BABAM2: variants seen among roughly 807,000 people sequenced by gnomAD.
BABAM2 encodes the protein BRISC and BRCA1-A complex member 2.
In BABAM2, 31 loss-of-function variants were observed where a neutral mutation model predicts 54.7. That is an observed-to-expected ratio of 0.57 (90% CI 0.43 to 0.77). The LOEUF (loss-of-function observed/expected upper bound fraction) is 0.77. Among genes scored for constraint, BABAM2 ranks in the 30% least tolerant of loss-of-function variants. The pLI, the probability that BABAM2 is intolerant of heterozygous loss-of-function variation, is 0.00. For missense variants in BABAM2, 364 were observed against 455.8 expected, an observed-to-expected ratio of 0.80 and a Z score of 1.83; for synonymous variants, 167 against 162.9, an observed-to-expected ratio of 1.03 and a Z score of -0.19.
intron 2 of BABAM2, among the ~76,000 whole-genome samples, chr2:27,916,611 T>C (rs943739908): frequency 6.6e-6 from 1 of 152,162 alleles, no homozygotes; most frequent in Non-Finnish European, 1.5e-5. Context: ...GGATCCAGGG[T>C]TTAATGCATT....
chr2:28,309,982 G>A (rs906547861), intron 11 of BABAM2: 13 of 1,312,878 alleles, frequency 9.9e-6, no homozygotes, highest in Admixed American at 5.2e-5. Context: ...AAGTAGAGCT[G>A]TGAAGAGAAA....
chr2:28,087,744 G>A (rs1252778717), intron 6 of BABAM2, among the ~76,000 whole-genome samples: 1 of 152,008 alleles, frequency 6.6e-6, no homozygotes, highest in Non-Finnish European at 1.5e-5. Context: ...TGCCTCCTGG[G>A]TTCAAGCGAT....
intron 6 of BABAM2, among the ~76,000 whole-genome samples, chr2:28,115,723 C>T (rs949506558): frequency 3.3e-5 from 5 of 152,004 alleles, no homozygotes; most frequent in South Asian, 2.1e-4. Flanking sequence ...GGGGAGAAGG[C>T]GTCCAGGATT....
intron 2 of BABAM2, among the ~76,000 whole-genome samples, chr2:27,899,000 A>T (rs1280607645): frequency 6.6e-6 from 1 of 151,798 alleles, no homozygotes; most frequent in Non-Finnish European, 1.5e-5. Context: ...ACAGTGGTAC[A>T]TGCTTGTAGT....
chr2:27,890,958 C>G lies in BABAM2; in HGVS notation c.-25+116C>G, dbSNP rs966821106. 3 of 152,592 alleles carry G rather than the reference C, an allele frequency of 2.0e-5. No individual in the cohort carries two copies. The highest frequency in any genetic ancestry group is 7.2e-5 in the African/African-American group (3 of 41,418). 9.5% of individuals were successfully genotyped at this position (152,592 alleles called of 1,614,324 possible). The stretch of plus-strand genomic sequence containing the variant: ...GCCTCCTCTTCCTATGGAGAAGGCC[C>G]CCGTTCCAAAGATGCCCTTCTCATC... On this transcript the variant is annotated intron_variant, in intron 1 of 11. Coordinates refer to ENST00000379624, the MANE Select transcript of BABAM2 (RefSeq NM_199191.3). This position sits in a 1 kb window ranked among gnomAD's most constrained non-coding sequence, Gnocchi z 4.8.
intron 6 of BABAM2, among the ~76,000 whole-genome samples, chr2:28,089,180 T>G (rs1665941708): frequency 6.6e-6 from 1 of 152,134 alleles, no homozygotes; most frequent in East Asian, 1.9e-4. Flanking sequence ...TCCTTTGACA[T>G]GAATATATTG....
intron 5 of BABAM2, among the ~76,000 whole-genome samples, chr2:28,032,966 A>G (rs1169066024): frequency 6.6e-6 from 1 of 152,180 alleles, no homozygotes; most frequent in Non-Finnish European, 1.5e-5. Flanking sequence ...ATGTATGTGT[A>G]TAGTTCTGTG....
intron 3 of BABAM2, among the ~76,000 whole-genome samples, chr2:27,970,684 C>T (rs781672304): frequency 5.3e-5 from 8 of 152,020 alleles, no homozygotes; most frequent in Non-Finnish European, 1.0e-4. Context: ...TTATATATAC[C>T]CAGTTGTCCA....
chr2:28,043,917 C>T (rs1464474899), intron 5 of BABAM2, among the ~76,000 whole-genome samples: 5 of 152,208 alleles, frequency 3.3e-5, no homozygotes, highest in Admixed American at 6.5e-5. Context: ...CTACTCAGCT[C>T]TGAGCATCCA....
chr2:28,208,066 T>TACACAC (rs1558436923), intron 7 of BABAM2, among the ~76,000 whole-genome samples: 1 of 141,578 alleles, frequency 7.1e-6, no homozygotes, highest in Admixed American at 7.2e-5. Flanking sequence ...TGTGTGTGTG[T>TACACAC]ACACATGCGC....
intron 10 of BABAM2, among the ~76,000 whole-genome samples, chr2:28,282,186 G>T (rs765485183): frequency 1.3e-5 from 2 of 152,172 alleles, no homozygotes; most frequent in African/African-American, 2.4e-5. Flanking sequence ...AAACCCCGTA[G>T]ATATAACCGT....
intron 7 of BABAM2, among the ~76,000 whole-genome samples, chr2:28,220,241 T>A (rs1680277992): frequency 6.6e-6 from 1 of 152,220 alleles, no homozygotes; most frequent in Non-Finnish European, 1.5e-5. Context: ...CGTCATTTAC[T>A]GGATGAGTTC....
chr2:27,891,412 C>CT (rs1267839468), intron 1 of BABAM2, among the ~76,000 whole-genome samples: 14 of 152,102 alleles, frequency 9.2e-5, no homozygotes, highest in Admixed American at 9.2e-4. Flanking sequence ...ATCAAAGGAC[C>CT]TTTTGTAACT....
intron 10 of BABAM2, among the ~76,000 whole-genome samples, chr2:28,250,527 A>G (rs1292676364): frequency 2.6e-5 from 4 of 151,248 alleles, no homozygotes; most frequent in African/African-American, 9.7e-5. Flanking sequence ...GTTATAATAT[A>G]AACACAACAA....
chr2:28,265,507 G>A (rs1336705629), intron 10 of BABAM2, among the ~76,000 whole-genome samples: 1 of 152,168 alleles, frequency 6.6e-6, no homozygotes, highest in Non-Finnish European at 1.5e-5. Flanking sequence ...AAACTGAAAA[G>A]CGGGTAGCTG....
chr2:27,963,562 G>T (rs1300607836), intron 3 of BABAM2, among the ~76,000 whole-genome samples: 1 of 151,114 alleles, frequency 6.6e-6, no homozygotes, highest in Non-Finnish European at 1.5e-5. Context: ...TTTAAAACCT[G>T]TTATATCTTT....
At chr2:27,940,932 A>G (rs1398790648) in intron 3 of BABAM2, among the ~76,000 whole-genome samples, 1 of 151,956 alleles carries the variant, frequency 6.6e-6, no homozygotes. Context: ...CTCCACCCCA[A>G]CCAACCCCCG....
At position 28,250,073 on chromosome 2, in the gene BABAM2, GTGAGGAAGA is replaced by G. The variant is rs1480044718; in HGVS notation, c.934+5223_934+5231del. Among the ~76,000 whole-genome samples the G allele has an allele frequency of 3.9e-5, 6 of 152,326 alleles. No homozygotes were observed. The East Asian group carries it at 5.8e-4, about 15-fold the overall frequency. ...GAATAGAGAATAAGAAGGAGATGCT[GTGAGGAAGA>G]TGAGGAAGATGCTGTGAGGAGATGC... On this transcript the variant is annotated intron_variant, in intron 10 of 11. Transcript: ENST00000379624.
chr2:28,076,348 AAC>A (rs1664663457), intron 6 of BABAM2, among the ~76,000 whole-genome samples: 1 of 152,092 alleles, frequency 6.6e-6, no homozygotes, highest in African/African-American at 2.4e-5. Context: ...TTTTAGATAA[AAC>A]ATTTTAGATA....
Sources: allele counts gnomAD v4.1 joint callset (sites outside exome capture counted in the v4.1 genomes callset), GRCh38; gene constraint gnomAD v4.1.1; non-coding constraint Gnocchi (gnomAD v3.1); transcripts MANE v1.5; gene names NCBI Gene and HGNC (gene_info 2026-07-23, HGNC 2026-07-21).